Variants in ZMAT4 observed in about 807,000 individuals in gnomAD.
The protein encoded by ZMAT4 is zinc finger matrin-type protein 4.
ZMAT4 carries 17 observed loss-of-function variants against 28.7 expected under a neutral mutation model. The ratio of observed to expected loss-of-function variants is 0.59; its 90% confidence interval spans 0.41 to 0.89. The LOEUF (loss-of-function observed/expected upper bound fraction) is 0.89, where lower values mean the gene tolerates loss of function less well. Ranked by LOEUF, ZMAT4 falls within the 40% of genes least tolerant of loss-of-function variation. The pLI, the probability that ZMAT4 is intolerant of heterozygous loss-of-function variation, is 0.00. For missense variants in ZMAT4, 240 were observed against 283.8 expected (o/e 0.85, Z 1.11); for synonymous variants, 117 against 109.2 (o/e 1.07, Z -0.44).
intron 3 of ZMAT4, among the ~76,000 whole-genome samples, chr8:40,728,669 A>G (rs902705960): frequency 6.6e-6 from 1 of 152,224 alleles, no homozygotes; most frequent in African/African-American, 2.4e-5. Context: ...GAGAGTCAGG[A>G]AGGCACATCT....
At chr8:40,633,290 C>T (rs1806661803) in intron 5 of ZMAT4, among the ~76,000 whole-genome samples, 1 of 152,144 alleles carries the variant, frequency 6.6e-6, no homozygotes, top group Admixed American at 6.5e-5. Context: ...TGACCAAAAA[C>T]CAAGCCTGAG....
At chr8:40,736,709 C>T (rs112854449) in intron 3 of ZMAT4, among the ~76,000 whole-genome samples, 2 of 152,160 alleles carry the variant, frequency 1.3e-5, no homozygotes, top group African/African-American at 2.4e-5. Context: ...GAGGAAGGCT[C>T]GTGAAGTAAT....
intron 4 of ZMAT4, among the ~76,000 whole-genome samples, chr8:40,696,096 A>C (rs569248470): frequency 6.6e-6 from 1 of 152,214 alleles, no homozygotes; most frequent in South Asian, 2.1e-4. Flanking sequence ...TCAAAGGCTG[A>C]AACACAACCT....
chr8:40,783,051 C>T (rs890095538), intron 2 of ZMAT4, among the ~76,000 whole-genome samples: 4 of 152,178 alleles, frequency 2.6e-5, no homozygotes, highest in South Asian at 2.1e-4. Context: ...TGAAATTTCA[C>T]TCATAGGTGT....
intron 6 of ZMAT4, among the ~76,000 whole-genome samples, chr8:40,553,882 G>A (rs2118432866): frequency 6.6e-6 from 1 of 152,206 alleles, no homozygotes; most frequent in South Asian, 2.1e-4. Context: ...GAGCACACCA[G>A]GTACTTTATA....
chr8:40,814,607 T>A (rs1222037131), intron 2 of ZMAT4, among the ~76,000 whole-genome samples: 2 of 152,120 alleles, frequency 1.3e-5, no homozygotes, highest in African/African-American at 4.8e-5. Flanking sequence ...AAAATGAAAA[T>A]CTATGCCACA....
At chr8:40,890,107 T>C (rs1818617108) in intron 1 of ZMAT4, among the ~76,000 whole-genome samples, 1 of 152,246 alleles carries the variant, frequency 6.6e-6, no homozygotes, top group African/African-American at 2.4e-5. Context: ...TACATATTTT[T>C]CTTACTTCTT....
chr8:40,680,934 T>G (rs752007183), intron 4 of ZMAT4, among the ~76,000 whole-genome samples: 70 of 152,290 alleles, frequency 4.6e-4, no homozygotes, highest in Non-Finnish European at 8.1e-4. Flanking sequence ...AAAGCCAGAA[T>G]TTATTCATTT....
chr8:40,803,836 C>T (rs1177412854), intron 2 of ZMAT4, among the ~76,000 whole-genome samples: 2 of 152,118 alleles, frequency 1.3e-5, no homozygotes, highest in African/African-American at 4.8e-5. Flanking sequence ...CCAAGAGGCC[C>T]TTCAGTAGAT....
Position 40,631,117 on chromosome 8 carries a change from G to A in ZMAT4, c.577+43587C>T, listed in dbSNP as rs77720487. Reference sequence around the variant, plus strand: ...TATCATATTAGACCACACTGTAATGGAATATGAGAGGTGGGAGGTGGGAAG... The same window carrying A: ...TATCATATTAGACCACACTGTAATGAAATATGAGAGGTGGGAGGTGGGAAG... On this transcript the variant is annotated intron_variant, in intron 5 of 6. Coordinates refer to ENST00000297737, the MANE Select transcript of ZMAT4 (RefSeq NM_024645.3). 3.3e-5 allele frequency among the ~76,000 whole-genome samples: 5 copies of A among 152,206 alleles called. No individual in the cohort carries two copies. The East Asian group carries it at 9.7e-4, about 29-fold the overall frequency.
intron 2 of ZMAT4, among the ~76,000 whole-genome samples, chr8:40,819,926 T>C (rs1398310359): frequency 6.6e-6 from 1 of 152,026 alleles, no homozygotes; most frequent in East Asian, 1.9e-4. Context: ...TATATATATA[T>C]GGAGAGAGAA....
At chr8:40,834,247 A>T (rs899797706) in intron 1 of ZMAT4, among the ~76,000 whole-genome samples, 12 of 152,266 alleles carry the variant, frequency 7.9e-5, no homozygotes, top group Admixed American at 7.2e-4. Flanking sequence ...CCCAGCCTGC[A>T]GGGCGGTTCT....
intron 5 of ZMAT4, among the ~76,000 whole-genome samples, chr8:40,648,863 C>G (rs1307910434): frequency 4.3e-5 from 6 of 138,916 alleles, no homozygotes; most frequent in Non-Finnish European, 9.4e-5. Flanking sequence ...ACTTTACAGA[C>G]AAGCAAATGC....
chr8:40,533,309 GTGAGAGAGCT>G (rs571683475), intron 6 of ZMAT4, among the ~76,000 whole-genome samples: 1 of 152,296 alleles, frequency 6.6e-6, no homozygotes, highest in South Asian at 2.1e-4. Flanking sequence ...TAAGCAGGAG[GTGAGAGAGCT>G]TGTTGACATC....
At chr8:40,788,989 A>AAGGG (rs1202490258) in intron 2 of ZMAT4, among the ~76,000 whole-genome samples, 1 of 125,118 alleles carries the variant, frequency 8.0e-6, no homozygotes, top group Non-Finnish European at 1.7e-5. Flanking sequence ...GGGAGGGAGG[A>AAGGG]AGGGAGGGAG....
chr8:40,666,243 A>T (rs930506381), intron 5 of ZMAT4, among the ~76,000 whole-genome samples: 1 of 152,162 alleles, frequency 6.6e-6, no homozygotes, highest in Non-Finnish European at 1.5e-5. Flanking sequence ...CCATAACTCA[A>T]TAACTTCCTT....
At chr8:40,751,908 C>T (rs1031725194) in intron 3 of ZMAT4, among the ~76,000 whole-genome samples, 1 of 152,068 alleles carries the variant, frequency 6.6e-6, no homozygotes, top group African/African-American at 2.4e-5. Context: ...GTGCAAAATG[C>T]TGAGGATGCA....
intron 3 of ZMAT4, among the ~76,000 whole-genome samples, chr8:40,742,799 C>T (rs1276064829): frequency 3.3e-5 from 5 of 151,558 alleles, no homozygotes; most frequent in African/African-American, 1.2e-4. Flanking sequence ...ACACAAACAG[C>T]CGTCTCAAAG....
At chr8:40,575,913 T>C (rs1467365050) in intron 6 of ZMAT4, among the ~76,000 whole-genome samples, 1 of 151,714 alleles carries the variant, frequency 6.6e-6, no homozygotes, top group East Asian at 1.9e-4. Flanking sequence ...TCAACAAAAT[T>C]GGAAAAACAA....
Sources: allele counts gnomAD v4.1 joint callset (sites outside exome capture counted in the v4.1 genomes callset), GRCh38; gene constraint gnomAD v4.1.1; transcripts MANE v1.5; gene names NCBI Gene and HGNC (gene_info 2026-07-23, HGNC 2026-07-21).